Variants in ELP1 observed in about 807,000 individuals in gnomAD.
ELP1 encodes the protein elongator complex protein 1.
In ELP1, 131 loss-of-function variants were observed where a neutral mutation model predicts 183.2. The ratio of observed to expected loss-of-function variants is 0.72; its 90% CI spans 0.62 to 0.83. The LOEUF is 0.83. Among genes scored for constraint, ELP1 ranks in the 40% least tolerant of loss-of-function variants. The pLI is 0.00. For synonymous variants in ELP1, 555 were observed against 569.0 expected (o/e 0.98, Z 0.35); for missense variants, 1,550 against 1,594.9 (o/e 0.97, Z 0.48).
intron 13 of ELP1, among the ~76,000 whole-genome samples, chr9:108,907,642 A>C (rs1330236131): frequency 6.6e-6 from 1 of 152,178 alleles, no homozygotes; most frequent in African/African-American, 2.4e-5. Context: ...ATCAAACCCT[A>C]AATTCTCTAG....
At chr9:108,869,219 T>TA in intron 36 of ELP1, 37 bp from the exon 37 acceptor site, 7 of 1,582,800 alleles carry the variant, frequency 4.4e-6, no homozygotes, top group Non-Finnish European at 6.1e-6. Flanking sequence ...GTGACAGACA[T>TA]ACTCTTGTTG....
intron 29 of ELP1, among the ~76,000 whole-genome samples, chr9:108,886,861 T>A (rs964285024): frequency 6.6e-6 from 1 of 150,802 alleles, no homozygotes; most frequent in African/African-American, 2.4e-5. Context: ...GCTGGATTTG[T>A]CACAGGTTGT....
At chr9:108,886,154 G>A (rs995553837) in intron 29 of ELP1, among the ~76,000 whole-genome samples, 1 of 152,214 alleles carries the variant, frequency 6.6e-6, no homozygotes, top group African/African-American at 2.4e-5. Flanking sequence ...GTCTGGTGTA[G>A]GGAGGGCAGC....
intron 29 of ELP1, among the ~76,000 whole-genome samples, chr9:108,885,082 A>G (rs1279080335): frequency 1.3e-5 from 2 of 152,128 alleles, no homozygotes; most frequent in Non-Finnish European, 2.9e-5. Flanking sequence ...CTGTTTCTTT[A>G]AAAAAACAAC....
intron 36 of ELP1, among the ~76,000 whole-genome samples, chr9:108,873,213 T>C (rs962934756): frequency 6.6e-6 from 1 of 152,266 alleles, no homozygotes; most frequent in African/African-American, 2.4e-5. Flanking sequence ...TATGTAATAC[T>C]AAATTTTTGC....
chr9:108,919,411 G>T, intron 6 of ELP1, 62 bp from the exon 7 acceptor site: 1 of 1,086,082 alleles, frequency 9.2e-7, no homozygotes, highest in Non-Finnish European at 1.4e-6. Context: ...AATCAAACAA[G>T]CCTCAGACCA....
chr9:108,906,730 C>G (rs965580806), intron 13 of ELP1, among the ~76,000 whole-genome samples: 1 of 152,156 alleles, frequency 6.6e-6, no homozygotes, highest in African/African-American at 2.4e-5. Context: ...GAAGAGAACA[C>G]TTGAGGAAAC....
intron 10 of ELP1, among the ~76,000 whole-genome samples, chr9:108,915,694 T>A (rs538860348): frequency 7.0e-5 from 10 of 142,458 alleles, no homozygotes; most frequent in Non-Finnish European, 1.4e-4. Context: ...ACCGTCTCTC[T>A]ATGTAAGTAC....
At chr9:108,902,999 A>G (rs1828869823) in intron 15 of ELP1, 57 bp from the exon 16 acceptor site, 1 of 1,215,260 alleles carries the variant, frequency 8.2e-7, no homozygotes, top group Non-Finnish European at 1.2e-6. Flanking sequence ...GCAAAAAACC[A>G]TCAACATCAA....
rs1341061931 is a variant in ELP1 at position 108,918,918 on chromosome 9, T to A, written c.650-17A>T. ...TCCGAGCCCCTGTGCGGGAGTGGAG[T>A]CAAACACACATACACACTTAAAACA... On this transcript the variant is annotated splice_polypyrimidine_tract_variant and intron_variant, in intron 7 of 36. Coordinates refer to ENST00000374647, the MANE Select transcript of ELP1 (RefSeq NM_003640.5). 6.3e-7 allele frequency: 1 copy of A among 1,579,474 alleles called. No individual in the cohort carries two copies. Among genetic ancestry groups the A allele is most frequent in the Admixed American group, 1.7e-5 (1 of 59,964 alleles).
At position 108,898,496 on chromosome 9, in the gene ELP1, A is replaced by G; in HGVS notation, c.2363+6T>C. On this transcript the variant is annotated splice_donor_region_variant and intron_variant, in intron 22 of 36. Transcript: ENST00000374647. ...AAGATACACATGAATTATTCAAAAT[A>G]CTTACTTCAATTCTGTAAAAAACAA... 6.9e-7 allele frequency: 1 copy of G among 1,456,602 alleles called. No individual in the cohort carries two copies. The highest frequency in any genetic ancestry group is 2.4e-4 in the Middle Eastern group (1 of 4,220). The allele number at this position is 1,456,602 out of a possible 1,614,324, so 90.2% of individuals were successfully genotyped here. A position where few individuals can be genotyped will look rare whatever the true frequency, so the allele number is the denominator to read the frequency against.
rs1296938074 is a variant in ELP1, at chr9:108,869,142, G to C, written c.3972C>G (p.Thr1324=). ...LFIPPKINRR[T]QWKLSLLD ...AGTCTAGCAGGCTCAGCTTCCACTG[G>C]GTTCTTCTGTTGATCTTTGGTGGTA... is the stretch of plus-strand genomic sequence containing the variant. The change falls in exon 37 of 37, where the codon ACC becomes ACG. Residue 1324 remains threonine (T), a synonymous_variant. Transcript: ENST00000374647. 7 of 1,614,152 alleles carry C rather than the reference G, an allele frequency of 4.3e-6. No homozygotes were observed. Among genetic ancestry groups the C allele is most frequent in the Non-Finnish European group, 5.9e-6 (7 of 1,180,010 alleles).
Position 108,889,202 on chromosome 9 carries a change from C to G in ELP1, c.3222+130G>C, listed in dbSNP as rs1007688563. ...CCAAGTCAAGCCAGCAAGATAAGAC[C>G]TCTGGGGCAAACACTATCTCTGGAC... On this transcript the variant is annotated intron_variant, in intron 29 of 36. Coordinates refer to ENST00000374647, the MANE Select transcript of ELP1 (RefSeq NM_003640.5). The G allele has an allele frequency of 3.3e-6, 3 of 895,684 alleles. No individual in the cohort carries two copies. The Admixed American group carries it at 5.2e-5, about 15-fold the overall frequency. The allele number at this position is 895,684 out of a possible 1,614,324, so 55.5% of individuals were successfully genotyped here. A position where few individuals can be genotyped will look rare whatever the true frequency, so the allele number is the denominator to read the frequency against.
At position 108,889,242 on chromosome 9, in the gene ELP1, C is replaced by T. The variant is rs1564078635; in HGVS notation, c.3222+90G>A. 4 of 1,181,044 alleles carry T rather than the reference C, an allele frequency of 3.4e-6. No individual in the cohort carries two copies. The East Asian group carries it at 7.0e-5, about 21-fold the overall frequency. The allele number at this position is 1,181,044 out of a possible 1,614,324, so 73.2% of individuals were successfully genotyped here. A position where few individuals can be genotyped will look rare whatever the true frequency, so the allele number is the denominator to read the frequency against. ...TATCTCTGGACTTAACAATTATGCA[C>T]AGTTCCTTTAACTTTCATGATCACT... On this transcript the variant is annotated intron_variant, in intron 29 of 36. Coordinates refer to ENST00000374647, the MANE Select transcript of ELP1 (RefSeq NM_003640.5).
At chr9:108,920,664 T>TA (rs1350589434) in intron 6 of ELP1, among the ~76,000 whole-genome samples, 2 of 151,572 alleles carry the variant, frequency 1.3e-5, no homozygotes, top group African/African-American at 2.4e-5. Context: ...TAACACAACT[T>TA]AAAAAATCAA....
chr9:108,877,711 C>T (rs1190793675), intron 35 of ELP1, among the ~76,000 whole-genome samples: 1 of 152,194 alleles, frequency 6.6e-6, no homozygotes, highest in Non-Finnish European at 1.5e-5. Context: ...CCACTCCAAC[C>T]TCATTGAAGG....
Position 108,898,433 on chromosome 9 carries a change from G to A in ELP1, c.2363+69C>T, listed in dbSNP as rs936065489. ...GAATTTTTCTTCTCTAGCTATTTAT[G>A]CTTGATTTCCTTAACAAGAAGAGAG... On this transcript the variant is annotated intron_variant, in intron 22 of 36. Coordinates refer to ENST00000374647, the MANE Select transcript of ELP1 (RefSeq NM_003640.5). 4.8e-6 allele frequency: 5 copies of A among 1,031,712 alleles called. No individual in the cohort carries two copies. The African/African-American group carries it at 6.5e-5, about 13-fold the overall frequency. 63.9% of individuals were successfully genotyped at this position (1,031,712 alleles called of 1,614,324 possible).
intron 35 of ELP1, among the ~76,000 whole-genome samples, chr9:108,876,718 C>T (rs866109501): frequency 2.7e-5 from 4 of 147,438 alleles, no homozygotes; most frequent in African/African-American, 7.5e-5. Context: ...AGATTTCTTC[C>T]GTGATTGGCT....
intron 5 of ELP1, among the ~76,000 whole-genome samples, chr9:108,923,916 A>T (rs1829742042): frequency 6.6e-6 from 1 of 152,210 alleles, no homozygotes; most frequent in African/African-American, 2.4e-5. Context: ...CCTGCCATTG[A>T]TTCTGATTCT....
Sources: allele counts gnomAD v4.1 joint callset (sites outside exome capture counted in the v4.1 genomes callset), GRCh38; gene constraint gnomAD v4.1.1; transcripts MANE v1.5; gene names NCBI Gene and HGNC (gene_info 2026-07-23, HGNC 2026-07-21).